Variants in SFMBT1 observed in about 807,000 individuals in gnomAD.
SFMBT1 encodes the protein scm-like with four MBT domains protein 1.
In SFMBT1, 32 loss-of-function variants were observed where a neutral mutation model predicts 108.7. That is an observed-to-expected ratio of 0.29 (90% confidence interval 0.22 to 0.40). SFMBT1 has a LOEUF of 0.40. Ranked by LOEUF, SFMBT1 falls within the 10% of genes least tolerant of loss-of-function variation. The pLI is 1.00. For missense variants in SFMBT1, 816 were observed against 1,059.6 expected (o/e 0.77, Z 3.19); for synonymous variants, 348 against 369.5 (o/e 0.94, Z 0.67).
At chr3:53,002,033 C>T (rs1314101198) in intron 1 of SFMBT1, among the ~76,000 whole-genome samples, 3 of 149,170 alleles carry the variant, frequency 2.0e-5, no homozygotes, top group Admixed American at 6.8e-5. Context: ...TCAGCTTTTC[C>T]TATTAGAAGT....
intron 1 of SFMBT1, among the ~76,000 whole-genome samples, chr3:53,022,288 A>G (rs1336700942): frequency 6.6e-6 from 1 of 152,020 alleles, no homozygotes; most frequent in Non-Finnish European, 1.5e-5. Context: ...CATCTCTAGT[A>G]AAAACACAAA....
At chr3:52,983,324 T>C (rs569617980) in intron 1 of SFMBT1, among the ~76,000 whole-genome samples, 1 of 152,310 alleles carries the variant, frequency 6.6e-6, no homozygotes, top group Non-Finnish European at 1.5e-5. Flanking sequence ...TACTCTATTG[T>C]AAGAAAACAG....
At position 52,906,224 on chromosome 3, in the gene SFMBT1, A is replaced by C. The variant is rs1702062441; in HGVS notation, c.2349T>G (p.Val783=). 2 of 1,614,138 alleles carry C rather than the reference A, an allele frequency of 1.2e-6. No homozygotes were observed. The highest frequency in any genetic ancestry group is 1.7e-6 in the Non-Finnish European group (2 of 1,179,980). The change falls in exon 20 of 21, where the codon GTT becomes GTG. Residue 783 remains valine, a synonymous_variant. Coordinates refer to ENST00000394752, the MANE Select transcript of SFMBT1 (RefSeq NM_016329.4). ...PPSPKEIRIE[V]AERLHLDSNP... ...TACTGTCCAGGTGAAGCCTTTCAGCAACTTCGATCCTTATTTCCTTCATTC... is the reference window on the plus strand; with the variant it reads ...TACTGTCCAGGTGAAGCCTTTCAGCCACTTCGATCCTTATTTCCTTCATTC...
chr3:53,035,070 G>A (rs903353218), intron 1 of SFMBT1, among the ~76,000 whole-genome samples: 1 of 152,242 alleles, frequency 6.6e-6, no homozygotes, highest in African/African-American at 2.4e-5. Context: ...TGGCAGGAAA[G>A]GATTTACAGG....
rs1240749656 is a variant in SFMBT1 at position 52,905,050 on chromosome 3, G to C, written c.*86C>G. ...GATACCTGCAGGCCCCAGAGCCCCA[G>C]GACTATTCCAGCTCCACTTATAAAG... On this transcript the variant is annotated 3_prime_UTR_variant, in exon 21 of 21. Transcript: ENST00000394752. The C allele has an allele frequency of 2.6e-6, 4 of 1,552,390 alleles. No homozygotes were observed. The East Asian group carries it at 9.1e-5, about 35-fold the overall frequency.
intron 1 of SFMBT1, among the ~76,000 whole-genome samples, chr3:53,030,065 T>C (rs965051794): frequency 7.9e-5 from 12 of 152,168 alleles, no homozygotes; most frequent in Admixed American, 7.9e-4. Context: ...CATTAGTCTA[T>C]GGTACTGTTT....
intron 1 of SFMBT1, among the ~76,000 whole-genome samples, chr3:52,976,253 C>T (rs945086975): frequency 1.3e-5 from 2 of 151,996 alleles, no homozygotes; most frequent in African/African-American, 2.4e-5. Flanking sequence ...AAAGTTTTTT[C>T]TCAAATCAAA....
intron 4 of SFMBT1, among the ~76,000 whole-genome samples, chr3:52,936,999 G>A (rs1703030972): frequency 6.7e-6 from 1 of 149,044 alleles, no homozygotes; most frequent in Admixed American, 6.8e-5. Flanking sequence ...CCGCCACCAT[G>A]CTTGGCTAAT....
At chr3:53,045,557 A>AGCCG (rs1700204879) in intron 1 of SFMBT1, among the ~76,000 whole-genome samples, 4 of 139,562 alleles carry the variant, frequency 2.9e-5, no homozygotes, top group African/African-American at 2.6e-5. Flanking sequence ...GCGCCCCTGC[A>AGCCG]GCCGGCCGGC....
At chr3:53,039,146 G>A (rs1699955817) in intron 1 of SFMBT1, among the ~76,000 whole-genome samples, 1 of 152,132 alleles carries the variant, frequency 6.6e-6, no homozygotes, top group African/African-American at 2.4e-5. Flanking sequence ...TGTATCTAAG[G>A]ACAAGGTACC....
At chr3:53,029,918 G>A (rs1020517587) in intron 1 of SFMBT1, among the ~76,000 whole-genome samples, 2 of 151,494 alleles carry the variant, frequency 1.3e-5, no homozygotes, top group South Asian at 4.2e-4. Flanking sequence ...GGAGGCTGGA[G>A]AACAGTCTAC....
intron 1 of SFMBT1, chr3:53,045,251 G>T (rs1700185676): frequency 6.7e-6 from 1 of 148,760 alleles, no homozygotes; most frequent in Non-Finnish European, 1.5e-5. Context: ...CCACCGCGCA[G>T]CGACCGCCCG....
At chr3:53,019,759 T>C (rs780131737) in intron 1 of SFMBT1, among the ~76,000 whole-genome samples, 4 of 152,194 alleles carry the variant, frequency 2.6e-5, no homozygotes, top group Non-Finnish European at 4.4e-5. Context: ...TGGAAGTCCA[T>C]TCTCCATAGA....
At chr3:52,942,337 G>C (rs1253993480) in intron 4 of SFMBT1, among the ~76,000 whole-genome samples, 1 of 152,108 alleles carries the variant, frequency 6.6e-6, no homozygotes, top group Non-Finnish European at 1.5e-5. Context: ...TTCATTAAAA[G>C]AACATGAGTA....
chr3:53,017,530 A>G (rs148499110), intron 1 of SFMBT1, among the ~76,000 whole-genome samples: 142 of 152,260 alleles, frequency 9.3e-4, no homozygotes, highest in African/African-American at 3.2e-3. Flanking sequence ...TCCCATGTCT[A>G]TTCTACATTA....
intron 1 of SFMBT1, among the ~76,000 whole-genome samples, chr3:52,974,426 T>A (rs1229217189): frequency 6.6e-6 from 1 of 152,182 alleles, no homozygotes; most frequent in Non-Finnish European, 1.5e-5. Context: ...CAGGTGTAGT[T>A]TTCTGTCAGC....
chr3:53,000,773 ACC>A (rs1208950684), intron 1 of SFMBT1, among the ~76,000 whole-genome samples: 1 of 149,854 alleles, frequency 6.7e-6, no homozygotes, highest in Admixed American at 6.8e-5. Flanking sequence ...TTGACCCAAC[ACC>A]CCTTCTAGGA....
intron 9 of SFMBT1, 42 bp downstream of exon 9, chr3:52,928,149 A>C: frequency 6.3e-7 from 1 of 1,586,662 alleles, no homozygotes; most frequent in Non-Finnish European, 8.6e-7. Context: ...CATTTCAAGG[A>C]GAAGCTCTCA....
rs9828491 is a variant in SFMBT1 at position 52,999,065 on chromosome 3, C to T, written c.-130-29807G>A. ...CATCCATGCGTAAGCCGGGGACGCC[C>T]GAGGACATGCTCTTCACCCAAGGCC... On this transcript the variant is annotated intron_variant, in intron 1 of 20. Coordinates refer to ENST00000394752, the MANE Select transcript of SFMBT1 (RefSeq NM_016329.4). Among the ~76,000 whole-genome samples, 12 of 150,402 alleles carry T rather than the reference C, an allele frequency of 8.0e-5. 1 individual carries two copies. The Admixed American group carries it at 8.0e-4, about 10-fold the overall frequency.
Sources: allele counts gnomAD v4.1 joint callset (sites outside exome capture counted in the v4.1 genomes callset), GRCh38; gene constraint gnomAD v4.1.1; transcripts MANE v1.5; gene names NCBI Gene and HGNC (gene_info 2026-07-23, HGNC 2026-07-21).